Variants in SLC2A9 observed in about 807,000 individuals in gnomAD.
SLC2A9 encodes solute carrier family 2 member 9, also known as solute carrier family 2, facilitated glucose transporter member 9.
A neutral mutation model predicts 50.6 loss-of-function variants in SLC2A9; 39 were observed. That is an observed-to-expected ratio of 0.77 (90% CI 0.60 to 1.01). The LOEUF (loss-of-function observed/expected upper bound fraction) is 1.01, where lower values mean the gene tolerates loss of function less well. Among genes scored for constraint, SLC2A9 ranks in the 50% least tolerant of loss-of-function variants. The pLI, the probability that SLC2A9 is intolerant of heterozygous loss-of-function variation, is 0.00. For synonymous variants in SLC2A9, 324 were observed against 276.9 expected (o/e 1.17, Z -1.69); for missense variants, 686 against 677.6 (o/e 1.01, Z -0.14).
chr4:9,816,314 G>A (rs1344549724), intron 3 of SLC2A9, among the ~76,000 whole-genome samples: 1 of 152,168 alleles, frequency 6.6e-6, no homozygotes, highest in African/African-American at 2.4e-5. Flanking sequence ...TTCTGCTGCT[G>A]CTGTAACTAA....
intron 10 of SLC2A9, among the ~76,000 whole-genome samples, chr4:9,868,414 T>C (rs747628439): frequency 4.6e-5 from 7 of 152,238 alleles, no homozygotes; most frequent in Non-Finnish European, 7.3e-5. Flanking sequence ...AATCAACTCC[T>C]GCCTGGCTGG....
intron 7 of SLC2A9, among the ~76,000 whole-genome samples, chr4:9,911,804 C>A (rs138558311): frequency 6.6e-6 from 1 of 152,324 alleles, no homozygotes; most frequent in Non-Finnish European, 1.5e-5. Flanking sequence ...TGGCATATAA[C>A]AAATTGTAGG....
intron 6 of SLC2A9, among the ~76,000 whole-genome samples, chr4:9,941,143 C>A (rs774454386): frequency 3.3e-5 from 5 of 152,190 alleles, no homozygotes; most frequent in Non-Finnish European, 7.3e-5. Flanking sequence ...AACTGCATCT[C>A]ATTTTATAAA....
At chr4:9,922,630 T>C (rs1744144909) in intron 6 of SLC2A9, among the ~76,000 whole-genome samples, 1 of 152,186 alleles carries the variant, frequency 6.6e-6, no homozygotes, top group African/African-American at 2.4e-5. Flanking sequence ...TTCTGTCCAG[T>C]GGGGGACCTC....
chr4:9,925,061 G>C (rs565767586), intron 6 of SLC2A9, among the ~76,000 whole-genome samples: 1 of 152,244 alleles, frequency 6.6e-6, no homozygotes, highest in Non-Finnish European at 1.5e-5. Context: ...TCCTCCCACG[G>C]TCCCTGTGGC....
chr4:10,014,249 T>G (rs764378045), intron 2 of SLC2A9, among the ~76,000 whole-genome samples: 1 of 152,180 alleles, frequency 6.6e-6, no homozygotes, highest in Non-Finnish European at 1.5e-5. Context: ...GACGCTGGGC[T>G]GAGCTCCTCC....
At chr4:9,824,492 G>C (rs1477095331), downstream of SLC2A9, among the ~76,000 whole-genome samples, 2 of 152,038 alleles carry the variant, frequency 1.3e-5, no homozygotes, top group African/African-American at 2.4e-5. Flanking sequence ...TCACTTATTT[G>C]GGAAGGTTTT....
chr4:9,835,232 T>C lies in SLC2A9; in HGVS notation c.1292-224A>G, dbSNP rs533169591. On this transcript the variant is annotated intron_variant, in intron 10 of 11. Transcript: ENST00000264784. Reference sequence around the variant, plus strand: ...GCAGGGCATTTATTACCCTTTACTTTCTGATGCCAGGAGAGCCTCCAGTCA... The same window carrying C: ...GCAGGGCATTTATTACCCTTTACTTCCTGATGCCAGGAGAGCCTCCAGTCA... 2.0e-4 allele frequency among the ~76,000 whole-genome samples: 30 copies of C among 152,272 alleles called. No individual in the cohort carries two copies. In the South Asian group the frequency reaches 6.0e-3, roughly 31 times the overall value.
intron 3 of SLC2A9, among the ~76,000 whole-genome samples, chr4:9,787,765 G>T (rs114447917): frequency 1.3e-5 from 2 of 152,084 alleles, no homozygotes; most frequent in Non-Finnish European, 2.9e-5. Flanking sequence ...GGGTTTTTTG[G>T]TGCTTTTCCA....
chr4:9,773,554 G>A (rs566174957), intron 1 of SLC2A9, among the ~76,000 whole-genome samples: 6 of 152,350 alleles, frequency 3.9e-5, no homozygotes, highest in African/African-American at 1.2e-4. Context: ...AACTCGCTTT[G>A]TGCTAAAATG....
intron 5 of SLC2A9, among the ~76,000 whole-genome samples, chr4:9,960,905 T>G (rs904692491): frequency 2.0e-5 from 3 of 152,134 alleles, no homozygotes; most frequent in African/African-American, 7.2e-5. Context: ...GACTGAGGGA[T>G]TAGGGCTTCA....
At chr4:10,010,987 T>G (rs893614835) in intron 2 of SLC2A9, among the ~76,000 whole-genome samples, 1 of 152,182 alleles carries the variant, frequency 6.6e-6, no homozygotes, top group Non-Finnish European at 1.5e-5. Context: ...CCTACAATCA[T>G]AGGAAGTGCG....
intron 7 of SLC2A9, among the ~76,000 whole-genome samples, chr4:9,918,829 T>C (rs1263994979): frequency 6.6e-6 from 1 of 152,056 alleles, no homozygotes; most frequent in Admixed American, 6.6e-5. Context: ...CAGCTGGAAA[T>C]ATTATCCCGA....
chr4:10,015,468 T>C lies in SLC2A9; in HGVS notation c.249+3507A>G, dbSNP rs1205720587. Among the ~76,000 whole-genome samples the C allele has an allele frequency of 2.6e-5, 4 of 152,354 alleles. No individual in the cohort carries two copies. In the East Asian group the frequency reaches 7.7e-4, roughly 29 times the overall value. On this transcript the variant is annotated intron_variant, in intron 2 of 11. Coordinates refer to ENST00000264784, the MANE Select transcript of SLC2A9 (RefSeq NM_020041.3). Reference sequence around the variant, plus strand: ...AATGAAGGTAACATCAGTAATTAACTACCTTGACCTGAATTGTGTCCCCTC... The same window carrying C: ...AATGAAGGTAACATCAGTAATTAACCACCTTGACCTGAATTGTGTCCCCTC...
intron 3 of SLC2A9, chr4:9,782,336 G>C: frequency 6.2e-7 from 1 of 1,614,054 alleles, no homozygotes; most frequent in Non-Finnish European, 8.5e-7. Flanking sequence ...AGTCGCCGAG[G>C]TGGCCGGTTA....
chr4:9,828,007 A>T (rs1725419318), intron 11 of SLC2A9, among the ~76,000 whole-genome samples: 1 of 152,206 alleles, frequency 6.6e-6, no homozygotes, highest in African/African-American at 2.4e-5. Context: ...TTTGCATTCA[A>T]CATCCTCCAC....
intron 6 of SLC2A9, among the ~76,000 whole-genome samples, chr4:9,937,761 G>A (rs1330116443): frequency 6.6e-6 from 1 of 152,240 alleles, no homozygotes; most frequent in African/African-American, 2.4e-5. Context: ...AGGGCCTGAA[G>A]AGCCAGCTGA....
chr4:9,785,648 T>C (rs1232610954), intron 3 of SLC2A9, among the ~76,000 whole-genome samples: 1 of 152,246 alleles, frequency 6.6e-6, no homozygotes, highest in Non-Finnish European at 1.5e-5. Context: ...GGAATTTCCT[T>C]CTGTAAAATA....
chr4:9,806,901 C>G (rs1722193536), intron 3 of SLC2A9, among the ~76,000 whole-genome samples: 1 of 152,130 alleles, frequency 6.6e-6, no homozygotes, highest in Non-Finnish European at 1.5e-5. Flanking sequence ...ATTAGAGGAG[C>G]ATCTGGTTGG....
Sources: allele counts gnomAD v4.1 joint callset (sites outside exome capture counted in the v4.1 genomes callset), GRCh38; gene constraint gnomAD v4.1.1; transcripts MANE v1.5; gene names NCBI Gene and HGNC (gene_info 2026-07-23, HGNC 2026-07-21).